The following GRM8 variants were observed in gnomAD, a reference collection of about 807,000 sequenced individuals.
GRM8 encodes the protein metabotropic glutamate receptor 8.
GRM8 carries 47 observed loss-of-function variants against 87.2 expected under a neutral mutation model. That is an observed-to-expected ratio of 0.54 (90% CI 0.43 to 0.69). The LOEUF (loss-of-function observed/expected upper bound fraction) is 0.69. Ranked by LOEUF, GRM8 falls within the 30% of genes least tolerant of loss-of-function variation. GRM8 has a pLI of 0.00. For missense variants in GRM8, 1,019 were observed against 1,139.2 expected (o/e 0.89, Z 1.52); for synonymous variants, 396 against 404.5 (o/e 0.98, Z 0.25).
chr7:127,243,864 G>A (rs1303673235), intron 1 of GRM8, among the ~76,000 whole-genome samples: 1 of 129,702 alleles, frequency 7.7e-6, no homozygotes, highest in African/African-American at 2.9e-5. Context: ...TTTTTTTGCA[G>A]CTATCTGAAT....
At chr7:126,822,098 C>A (rs1037138842) in intron 6 of GRM8, among the ~76,000 whole-genome samples, 3 of 152,170 alleles carry the variant, frequency 2.0e-5, no homozygotes, top group Non-Finnish European at 4.4e-5. Flanking sequence ...CTCAAGGCAT[C>A]ATATCAAGAG....
At chr7:127,205,793 C>T (rs537078678) in intron 2 of GRM8, among the ~76,000 whole-genome samples, 1 of 152,288 alleles carries the variant, frequency 6.6e-6, no homozygotes, top group South Asian at 2.1e-4. Context: ...ACTTTTTCCC[C>T]TTCTGACCTT....
intron 7 of GRM8, among the ~76,000 whole-genome samples, chr7:126,625,621 G>A (rs748637643): frequency 6.6e-6 from 1 of 152,076 alleles, no homozygotes; most frequent in Non-Finnish European, 1.5e-5. Flanking sequence ...AGCACTATTT[G>A]AGAAACAGAA....
chr7:126,990,592 A>C (rs1812563016), intron 3 of GRM8, among the ~76,000 whole-genome samples: 1 of 152,228 alleles, frequency 6.6e-6, no homozygotes. Context: ...CGTTACTTAC[A>C]GACAAATGCT....
intron 6 of GRM8, among the ~76,000 whole-genome samples, chr7:126,795,230 G>A (rs1004490350): frequency 4.6e-5 from 7 of 151,986 alleles, no homozygotes; most frequent in African/African-American, 1.7e-4. Flanking sequence ...TAAAGATATC[G>A]AAAGATATGA....
At chr7:127,166,055 C>T (rs545625465) in intron 2 of GRM8, among the ~76,000 whole-genome samples, 6 of 151,976 alleles carry the variant, frequency 3.9e-5, no homozygotes, top group South Asian at 4.1e-4. Context: ...GATGCTTTTT[C>T]GCAAGGGAAA....
chr7:126,486,409 C>A (rs193118974), intron 9 of GRM8, among the ~76,000 whole-genome samples: 110 of 152,130 alleles, frequency 7.2e-4, no homozygotes, highest in African/African-American at 2.4e-3. Flanking sequence ...CTCCTCAAAC[C>A]TGTTGAATAT....
chr7:127,135,844 T>C lies in GRM8; in HGVS notation c.511-29132A>G, dbSNP rs183110134. ...ATTTCTGGCAAATAGATCTTAACTATTATTATTTCATTAGATAGTAATTTC... is the reference window on the plus strand; with the variant it reads ...ATTTCTGGCAAATAGATCTTAACTACTATTATTTCATTAGATAGTAATTTC... On this transcript the variant is annotated intron_variant, in intron 2 of 10. Transcript: ENST00000339582. 4.3e-4 allele frequency among the ~76,000 whole-genome samples: 65 copies of C among 152,250 alleles called. No homozygotes were observed. In the East Asian group the frequency reaches 0.011, roughly 26 times the overall value.
Position 126,717,954 on chromosome 7 carries a change from C to T in GRM8, c.1357+51911G>A, listed in dbSNP as rs112432558. Among the ~76,000 whole-genome samples the T allele has an allele frequency of 2.2e-3, 336 of 152,122 alleles. 2 individuals are homozygous for T. The highest frequency in any genetic ancestry group is 7.8e-3 in the African/African-American group (325 of 41,506). ...TGTCTTTAATAACTTCGGTGTTGGC[C>T]GGGCGTGGTGGCTCACACCTGTAAT... is the stretch of plus-strand genomic sequence containing the variant. On this transcript the variant is annotated intron_variant, in intron 7 of 10. Transcript: ENST00000339582.
intron 6 of GRM8, among the ~76,000 whole-genome samples, chr7:126,828,016 G>T (rs1238218613): frequency 6.6e-6 from 1 of 152,114 alleles, no homozygotes; most frequent in Non-Finnish European, 1.5e-5. Flanking sequence ...GATTACATTT[G>T]TTGATTTGCG....
At chr7:126,560,478 T>A (rs1205647111) in intron 8 of GRM8, among the ~76,000 whole-genome samples, 1 of 151,678 alleles carries the variant, frequency 6.6e-6, no homozygotes, top group Admixed American at 6.6e-5. Context: ...TATAAAAGAG[T>A]GAATAAATAA....
chr7:126,544,908 CCCATCATTAAATACAGCTGGTCTGTCTA>C (rs1454507783), intron 8 of GRM8, among the ~76,000 whole-genome samples: 1 of 152,132 alleles, frequency 6.6e-6, no homozygotes, highest in Non-Finnish European at 1.5e-5. Context: ...CCACGCTCTA[CCCATCATTAAATACAGCTGGTCTGTCTA>C]AAAATTATAT....
At chr7:126,515,738 C>G (rs931900167) in intron 9 of GRM8, among the ~76,000 whole-genome samples, 1 of 152,118 alleles carries the variant, frequency 6.6e-6, no homozygotes, top group Non-Finnish European at 1.5e-5. Flanking sequence ...TCAGGTCGCA[C>G]TACTGACTCT....
intron 8 of GRM8, among the ~76,000 whole-genome samples, chr7:126,534,866 T>C (rs1031660513): frequency 6.6e-6 from 1 of 152,180 alleles, no homozygotes; most frequent in Admixed American, 6.6e-5. Context: ...AAGTGAGTAA[T>C]TTTTTCACTG....
intron 6 of GRM8, among the ~76,000 whole-genome samples, chr7:126,901,936 C>CA (rs201333880): frequency 6.8e-5 from 10 of 147,846 alleles, no homozygotes; most frequent in African/African-American, 1.2e-4. Flanking sequence ...AACTCTGTCT[C>CA]AAAAAAAAAA....
intron 6 of GRM8, among the ~76,000 whole-genome samples, chr7:126,776,225 A>T (rs573651723): frequency 8.9e-4 from 136 of 152,306 alleles, no homozygotes; most frequent in Non-Finnish European, 1.6e-3. Flanking sequence ...GTTGGGAGGC[A>T]GGTTATGCAG....
At chr7:126,441,472 C>T (rs975812438) in intron 10 of GRM8, among the ~76,000 whole-genome samples, 2 of 151,968 alleles carry the variant, frequency 1.3e-5, no homozygotes, top group African/African-American at 4.8e-5. Context: ...AGATGTGATG[C>T]AATGAATCTC....
chr7:126,669,600 A>G lies in GRM8; in HGVS notation c.1358-60102T>C, dbSNP rs538550469. 3.9e-4 allele frequency among the ~76,000 whole-genome samples: 60 copies of G among 152,342 alleles called. 2 individuals are homozygous for G. In the South Asian group the frequency reaches 0.012, roughly 30 times the overall value. On this transcript the variant is annotated intron_variant, in intron 7 of 10. Coordinates refer to ENST00000339582, the MANE Select transcript of GRM8 (RefSeq NM_000845.3). ...AACTATTTGACTTGCTGGCTTCACA[A>G]TTGGTAAGGCCTGGGGACTATGGAA... is the stretch of plus-strand genomic sequence containing the variant.
At chr7:126,983,850 C>A (rs1056532129) in intron 3 of GRM8, among the ~76,000 whole-genome samples, 2 of 152,176 alleles carry the variant, frequency 1.3e-5, no homozygotes, top group African/African-American at 4.8e-5. Flanking sequence ...AAGGTGCTTG[C>A]TAAAGGCAAA....
Sources: gnomAD v4.1 joint callset for allele counts (sites outside exome capture counted in the v4.1 genomes callset) on GRCh38, gnomAD v4.1.1 for gene constraint, MANE v1.5 for transcripts, NCBI Gene and HGNC (gene_info 2026-07-23, HGNC 2026-07-21) for gene names.